NRG1: variants seen among roughly 807,000 people sequenced by gnomAD.
The protein encoded by NRG1 is neuregulin 1, also known as pro-neuregulin-1, membrane-bound isoform.
NRG1 carries 18 observed loss-of-function variants against 63.8 expected under a neutral mutation model. The observed-to-expected ratio is 0.28, with a 90% CI of 0.19 to 0.42. The LOEUF (loss-of-function observed/expected upper bound fraction) is 0.42. Among genes scored for constraint, NRG1 ranks in the 10% least tolerant of loss-of-function variants. The pLI, the probability that NRG1 is intolerant of heterozygous loss-of-function variation, is 1.00. For synonymous variants in NRG1, 302 were observed against 301.3 expected, an observed-to-expected ratio of 1.00 and a Z score of -0.02; for missense variants, 762 against 814.7, an observed-to-expected ratio of 0.94 and a Z score of 0.79.
chr8:31,971,901 T>G (rs1807345183), intron 1 of NRG1, among the ~76,000 whole-genome samples: 1 of 152,164 alleles, frequency 6.6e-6, no homozygotes, highest in African/African-American at 2.4e-5. Context: ...TTCTGCTGGC[T>G]TAACTCGAAG....
chr8:32,474,275 G>A (rs2129491250), intron 1 of NRG1, among the ~76,000 whole-genome samples: 1 of 152,164 alleles, frequency 6.6e-6, no homozygotes, highest in Non-Finnish European at 1.5e-5. Context: ...AAACATTCTG[G>A]GAACTCCTTG....
chr8:32,420,971 C>T (rs1816640948), intron 1 of NRG1, among the ~76,000 whole-genome samples: 1 of 152,146 alleles, frequency 6.6e-6, no homozygotes, highest in Admixed American at 6.5e-5. Flanking sequence ...TCACTCTGTC[C>T]TGCCCCTTGT....
At chr8:32,392,458 T>C (rs1253718044) in intron 1 of NRG1, among the ~76,000 whole-genome samples, 1 of 152,246 alleles carries the variant, frequency 6.6e-6, no homozygotes, top group Non-Finnish European at 1.5e-5. Context: ...CAAATCTACA[T>C]GTTCCTCCCT....
chr8:32,672,885 C>T (rs1249409618), intron 5 of NRG1, among the ~76,000 whole-genome samples: 1 of 152,158 alleles, frequency 6.6e-6, no homozygotes, highest in Admixed American at 6.5e-5. Flanking sequence ...TGCCATCTCT[C>T]TCACTCTTCA....
intron 1 of NRG1, among the ~76,000 whole-genome samples, chr8:32,550,414 T>G (rs2129523974): frequency 6.6e-6 from 1 of 152,274 alleles, no homozygotes; most frequent in East Asian, 1.9e-4. Context: ...CTCAAATCGT[T>G]GTAAAGAGTT....
At chr8:31,706,336 T>C in intron 1 of NRG1, among the ~76,000 whole-genome samples, 1 of 152,180 alleles carries the variant, frequency 6.6e-6, no homozygotes, top group East Asian at 1.9e-4. Context: ...GATTTTTTTC[T>C]TGCTTAACAT....
At chr8:32,159,632 G>A (rs565731831) in intron 1 of NRG1, among the ~76,000 whole-genome samples, 5 of 150,930 alleles carry the variant, frequency 3.3e-5, no homozygotes, top group Non-Finnish European at 5.9e-5. Flanking sequence ...TTAAAATAAA[G>A]AAACATTTGG....
intron 1 of NRG1, among the ~76,000 whole-genome samples, chr8:32,445,978 A>C (rs950164412): frequency 6.6e-6 from 1 of 152,162 alleles, no homozygotes; most frequent in Non-Finnish European, 1.5e-5. Flanking sequence ...AACAAGGCAC[A>C]TATTTTCATT....
intron 6 of NRG1, among the ~76,000 whole-genome samples, chr8:32,738,211 C>T (rs1825561759): frequency 6.6e-6 from 1 of 151,906 alleles, no homozygotes; most frequent in Non-Finnish European, 1.5e-5. Context: ...ATACAAAAGG[C>T]AAGGAGAGAA....
chr8:32,309,076 G>A (rs1332522820), intron 1 of NRG1, among the ~76,000 whole-genome samples: 3 of 152,186 alleles, frequency 2.0e-5, no homozygotes, highest in Non-Finnish European at 4.4e-5. Context: ...AAATATGGCA[G>A]ATTGGTATAT....
At chr8:32,463,303 G>T (rs1822566023) in intron 1 of NRG1, among the ~76,000 whole-genome samples, 1 of 152,108 alleles carries the variant, frequency 6.6e-6, no homozygotes, top group South Asian at 2.1e-4. Flanking sequence ...CATCTCTTTT[G>T]GGCATACCCA....
chr8:32,551,979 C>A (rs1272277925), intron 1 of NRG1, among the ~76,000 whole-genome samples: 1 of 144,750 alleles, frequency 6.9e-6, no homozygotes, highest in Non-Finnish European at 1.5e-5. Flanking sequence ...GGTGCAATCT[C>A]GGCTCACTGC....
At chr8:32,218,301 C>T (rs1277866514) in intron 1 of NRG1, among the ~76,000 whole-genome samples, 1 of 152,174 alleles carries the variant, frequency 6.6e-6, no homozygotes, top group African/African-American at 2.4e-5. Flanking sequence ...TCAAGTAAGG[C>T]AAACATCAAG....
intron 1 of NRG1, among the ~76,000 whole-genome samples, chr8:31,687,968 A>G (rs926663001): frequency 2.0e-5 from 3 of 152,234 alleles, no homozygotes; most frequent in Non-Finnish European, 2.9e-5. Context: ...CACTCCCTAC[A>G]TCTGGGCCAA....
chr8:32,668,118 C>T (rs1027391655), intron 5 of NRG1, among the ~76,000 whole-genome samples: 1 of 151,512 alleles, frequency 6.6e-6, no homozygotes, highest in Non-Finnish European at 1.5e-5. Flanking sequence ...GAGGCTGAGG[C>T]AGGAGAATCA....
chr8:32,325,570 G>A (rs1163688159), intron 1 of NRG1, among the ~76,000 whole-genome samples: 1 of 151,984 alleles, frequency 6.6e-6, no homozygotes, highest in African/African-American at 2.4e-5. Flanking sequence ...GTAGAGATAG[G>A]GTTTCACCAT....
chr8:32,283,672 T>C (rs1853160979), intron 1 of NRG1, among the ~76,000 whole-genome samples: 1 of 152,124 alleles, frequency 6.6e-6, no homozygotes, highest in Non-Finnish European at 1.5e-5. Flanking sequence ...GAGTTTCTCT[T>C]TTAGGGTTTC....
chr8:32,369,546 C>T (rs2129482611), intron 1 of NRG1, among the ~76,000 whole-genome samples: 1 of 152,292 alleles, frequency 6.6e-6, no homozygotes, highest in Admixed American at 6.5e-5. Context: ...TACCAGCTCT[C>T]TCTAGTATGC....
intron 1 of NRG1, among the ~76,000 whole-genome samples, chr8:32,162,662 G>T (rs1293298473): frequency 6.6e-6 from 1 of 152,028 alleles, no homozygotes; most frequent in African/African-American, 2.4e-5. Flanking sequence ...CTTGAGTTAT[G>T]ATGTAAACTC....
Sources: allele counts gnomAD v4.1 joint callset (sites outside exome capture counted in the v4.1 genomes callset), GRCh38; gene constraint gnomAD v4.1.1; transcripts MANE v1.5; gene names NCBI Gene and HGNC (gene_info 2026-07-23, HGNC 2026-07-21).